SYTL5: variants seen among roughly 807,000 people sequenced by gnomAD.
The protein encoded by SYTL5 is synaptotagmin-like protein 5.
SYTL5 carries 34 observed loss-of-function variants against 55.9 expected under a neutral mutation model. The observed-to-expected ratio is 0.61, with a 90% CI of 0.46 to 0.81. The LOEUF is 0.81. Ranked by LOEUF, SYTL5 falls within the 30% of genes least tolerant of loss-of-function variation. The probability of loss-of-function intolerance (pLI) is 0.00; values close to 1 mark genes in which losing one functional copy is unlikely to be tolerated. For synonymous variants in SYTL5, 221 were observed against 188.7 expected (o/e 1.17, Z -1.40); for missense variants, 637 against 546.7 (o/e 1.17, Z -1.65).
the SYTL5 span, among the ~76,000 whole-genome samples, chrX:37,895,458 C>T: frequency 4.5e-3 from 257 of 57,151 alleles, no homozygotes; most frequent in African/African-American, 0.025. Context: ...CCTTCCTTCC[C>T]TCCCTCCCTC....
At chrX:38,005,446 A>G (rs1933965568), upstream of SYTL5, among the ~76,000 whole-genome samples, 1 of 112,091 alleles carries the variant, frequency 8.9e-6, no homozygotes, top group African/African-American at 3.2e-5. Flanking sequence ...TCAAAGAACA[A>G]ACAGAAAATA....
Position 38,033,526 on chromosome X carries a change from C to T in SYTL5, c.-356-8C>T, listed in dbSNP as rs4612521. The T allele has an allele frequency of 0.23, 26,148 of 115,102 alleles. 5,293 individuals are homozygous for T. Among genetic ancestry groups the T allele is most frequent in the African/African-American group, 0.66 (20,153 of 30,693 alleles). 9.5% of individuals were successfully genotyped at this position (115,102 alleles called of 1,213,427 possible). On this transcript the variant is annotated splice_polypyrimidine_tract_variant and splice_region_variant and intron_variant, in intron 1 of 16. Transcript: ENST00000297875. ...TTTCTCTCCTCTTTTTTTTCTCCACCGTCTTAGTGTTTTCTGCATTCTCTC... is the reference window on the plus strand; with the variant it reads ...TTTCTCTCCTCTTTTTTTTCTCCACTGTCTTAGTGTTTTCTGCATTCTCTC...
At chrX:38,011,633 CAA>C (rs61594168) in intron 1 of SYTL5, among the ~76,000 whole-genome samples, 1 of 92,543 alleles carries the variant, frequency 1.1e-5, no homozygotes, top group Admixed American at 1.2e-4. Flanking sequence ...GACTCCGTCT[CAA>C]AAAAAAAAAA....
the SYTL5 span, among the ~76,000 whole-genome samples, chrX:37,970,546 T>C: frequency 9.0e-6 from 1 of 111,448 alleles, no homozygotes; most frequent in Non-Finnish European, 1.9e-5. Context: ...GAATTGCCCA[T>C]TTAATACTAA....
At chrX:37,958,945 C>A in the SYTL5 span, among the ~76,000 whole-genome samples, 5 of 112,226 alleles carry the variant, frequency 4.5e-5, no homozygotes, top group Non-Finnish European at 9.4e-5. Flanking sequence ...AATGTACTGG[C>A]GTGGGAGGGG....
At chrX:38,001,682 T>C (rs1396201156), upstream of SYTL5, among the ~76,000 whole-genome samples, 1 of 111,565 alleles carries the variant, frequency 9.0e-6, no homozygotes, top group Non-Finnish European at 1.9e-5. Flanking sequence ...GTACCACATT[T>C]TCTCTATCCA....
intron 11 of SYTL5, among the ~76,000 whole-genome samples, chrX:38,107,496 A>T (rs1157190181): frequency 9.0e-6 from 1 of 111,663 alleles, no homozygotes; most frequent in African/African-American, 3.3e-5. Context: ...CCAAATTTCC[A>T]GTCTCTCAGG....
intron 1 of SYTL5, among the ~76,000 whole-genome samples, chrX:38,025,067 G>C (rs183861072): frequency 8.9e-6 from 1 of 111,875 alleles, no homozygotes; most frequent in Admixed American, 9.5e-5. Context: ...TGCTGTGCTT[G>C]TGGTAATCCA....
intron 9 of SYTL5, 58 bp downstream of exon 9, chrX:38,096,292 C>T (rs1172543048): frequency 1.3e-5 from 9 of 711,598 alleles, no homozygotes; most frequent in Admixed American, 7.9e-5. Flanking sequence ...CATAATCTTG[C>T]TCCAAGTGGT....
chrX:38,001,498 C>A, the SYTL5 span, among the ~76,000 whole-genome samples: 1 of 111,622 alleles, frequency 9.0e-6, no homozygotes, highest in African/African-American at 3.3e-5. Context: ...TCTGTTCTCA[C>A]GAGTTCAAAT....
At chrX:38,052,708 C>A (rs763736410) in intron 2 of SYTL5, among the ~76,000 whole-genome samples, 17 of 112,016 alleles carry the variant, frequency 1.5e-4, no homozygotes, top group South Asian at 3.7e-4. Context: ...TTTGTTCCTG[C>A]CTTTGGGAAG....
chrX:38,119,818 C>T (rs1193236559), intron 13 of SYTL5, among the ~76,000 whole-genome samples: 1 of 112,434 alleles, frequency 8.9e-6, no homozygotes, highest in East Asian at 2.8e-4. Flanking sequence ...GAGTGAACCA[C>T]TTTCTCCATG....
chrX:38,034,450 T>C (rs1935045382), intron 2 of SYTL5, among the ~76,000 whole-genome samples: 1 of 112,169 alleles, frequency 8.9e-6, no homozygotes, highest in Non-Finnish European at 1.9e-5. Flanking sequence ...GCCTGTCACC[T>C]AAGTGTTCAA....
intron 4 of SYTL5, among the ~76,000 whole-genome samples, chrX:38,073,288 G>A (rs1479383930): frequency 9.0e-6 from 1 of 111,698 alleles, no homozygotes; most frequent in African/African-American, 3.3e-5. Flanking sequence ...GGAGATCTTA[G>A]GAGACCATGT....
the SYTL5 span, among the ~76,000 whole-genome samples, chrX:37,917,944 G>T: frequency 9.0e-6 from 1 of 111,458 alleles, no homozygotes; most frequent in Non-Finnish European, 1.9e-5. Flanking sequence ...TTTTTTTCTG[G>T]TGTAGTTTTC....
the SYTL5 span, among the ~76,000 whole-genome samples, chrX:37,937,069 G>A: frequency 1.4e-3 from 150 of 104,828 alleles, no homozygotes; most frequent in African/African-American, 5.0e-3. Context: ...AAAAAAGTAC[G>A]TTGACAGATG....
the SYTL5 span, among the ~76,000 whole-genome samples, chrX:37,902,257 A>G: frequency 7.5e-3 from 837 of 111,911 alleles, 4 homozygotes; most frequent in African/African-American, 0.025. Flanking sequence ...TCCTGTGCGC[A>G]CCTTAATAGC....
chrX:38,107,807 C>G (rs1937256111), intron 11 of SYTL5, among the ~76,000 whole-genome samples: 1 of 112,117 alleles, frequency 8.9e-6, no homozygotes, highest in Admixed American at 9.4e-5. Flanking sequence ...CCTGCCTCCT[C>G]AGCTACATTT....
chrX:37,930,101 C>A, the SYTL5 span, among the ~76,000 whole-genome samples: 1 of 111,602 alleles, frequency 9.0e-6, no homozygotes, highest in Non-Finnish European at 1.9e-5. Context: ...TAGGGCCTTA[C>A]CCTAGTAGAT....
Sources: gnomAD v4.1 joint callset for allele counts (sites outside exome capture counted in the v4.1 genomes callset) on GRCh38, gnomAD v4.1.1 for gene constraint, MANE v1.5 for transcripts, NCBI Gene and HGNC (gene_info 2026-07-23, HGNC 2026-07-21) for gene names.